Variants in SYN2 observed in about 807,000 individuals in gnomAD.
SYN2 encodes the protein synapsin-2.
A neutral mutation model predicts 50.9 loss-of-function variants in SYN2; 19 were observed. That is an observed-to-expected ratio of 0.37 (90% CI 0.26 to 0.55). The LOEUF is 0.55. Among genes scored for constraint, SYN2 ranks in the 20% least tolerant of loss-of-function variants. The pLI, the probability that SYN2 is intolerant of heterozygous loss-of-function variation, is 0.81. For synonymous variants in SYN2, 255 were observed against 224.9 expected (o/e 1.13, Z -1.20); for missense variants, 587 against 576.4 (o/e 1.02, Z -0.19).
At position 12,190,387 on chromosome 3, in the gene SYN2, G is replaced by A. The variant is rs1400147184; in HGVS notation, c.1614-103G>A. 3 of 1,367,454 alleles carry A rather than the reference G, an allele frequency of 2.2e-6. No individual in the cohort carries two copies. In the African/African-American group the frequency reaches 4.3e-5, roughly 20 times the overall value. The allele number at this position is 1,367,454 out of a possible 1,614,324, so 84.7% of individuals were successfully genotyped here. A position where few individuals can be genotyped will look rare whatever the true frequency, so the allele number is the denominator to read the frequency against. ...TATCCTCCATCACCTTGGTTTCCCA[G>A]GGAGGGAGTGGGGGTTCTAGCTGTG... On this transcript the variant is annotated intron_variant, in intron 12 of 12. Transcript: ENST00000621198.
chr3:12,162,419 G>C (rs776132631), intron 7 of SYN2, among the ~76,000 whole-genome samples: 1 of 152,174 alleles, frequency 6.6e-6, no homozygotes, highest in Non-Finnish European at 1.5e-5. Context: ...GTACATAGGA[G>C]TTTGTCACTA....
In SYN2 at chr3:12,154,653, G is replaced by T. The variant is rs369952676; in HGVS notation, c.774+3327G>T. 9.2e-5 allele frequency among the ~76,000 whole-genome samples: 14 copies of T among 152,332 alleles called. No individual in the cohort carries two copies. In the East Asian group the frequency reaches 2.7e-3, roughly 29 times the overall value. ...GATAAGCAGATTATGTTTGTACGAG[G>T]CAGAGTTGTGGGATCTGGTGAAGGC... is the stretch of plus-strand genomic sequence containing the variant. On this transcript the variant is annotated intron_variant, in intron 5 of 12. Coordinates refer to ENST00000621198, the MANE Select transcript of SYN2 (RefSeq NM_133625.6).
intron 1 of SYN2, among the ~76,000 whole-genome samples, chr3:12,123,279 C>T (rs531045522): frequency 1.3e-5 from 2 of 152,238 alleles, no homozygotes; most frequent in African/African-American, 2.4e-5. Flanking sequence ...GATCTAGACA[C>T]GTCGTAGTGA....
intron 1 of SYN2, among the ~76,000 whole-genome samples, chr3:12,035,923 G>A (rs1013734161): frequency 6.6e-6 from 1 of 152,090 alleles, no homozygotes; most frequent in African/African-American, 2.4e-5. Flanking sequence ...AAACAACTAA[G>A]GACATATGTT....
intron 5 of SYN2, chr3:12,158,804 GC>G: frequency 6.2e-7 from 1 of 1,601,394 alleles, no homozygotes; most frequent in Non-Finnish European, 8.5e-7. Flanking sequence ...CGCAGCAACA[GC>G]ACCCAGCTTG....
intron 1 of SYN2, among the ~76,000 whole-genome samples, chr3:12,054,896 A>C (rs1056192422): frequency 6.6e-6 from 1 of 152,164 alleles, no homozygotes; most frequent in Non-Finnish European, 1.5e-5. Context: ...ATTCTGGGTC[A>C]AAAATAATTT....
chr3:12,078,575 G>T (rs1186224513), intron 1 of SYN2, among the ~76,000 whole-genome samples: 2 of 152,096 alleles, frequency 1.3e-5, no homozygotes, highest in Non-Finnish European at 1.5e-5. Context: ...TTTCCCCATT[G>T]CTTGTTTTTG....
At chr3:12,127,672 C>T (rs1273307018) in intron 1 of SYN2, among the ~76,000 whole-genome samples, 1 of 152,120 alleles carries the variant, frequency 6.6e-6, no homozygotes, top group Admixed American at 6.6e-5. Flanking sequence ...ATTTGGAAAT[C>T]CAAAGTATTG....
intron 1 of SYN2, among the ~76,000 whole-genome samples, chr3:12,110,718 G>C (rs1413612219): frequency 6.6e-6 from 1 of 152,192 alleles, no homozygotes; most frequent in Non-Finnish European, 1.5e-5. Context: ...AGGCCTCTGG[G>C]CCTGTGATGG....
At chr3:12,157,426 C>T (rs751481504) in intron 5 of SYN2, 6 of 1,614,172 alleles carry the variant, frequency 3.7e-6, no homozygotes, top group Non-Finnish European at 5.1e-6. Flanking sequence ...TTTTCAGTGT[C>T]AGCAGGGTCT....
chr3:12,164,688 C>A (rs1697736189), intron 7 of SYN2, among the ~76,000 whole-genome samples: 2 of 152,198 alleles, frequency 1.3e-5, no homozygotes, highest in Admixed American at 1.3e-4. Flanking sequence ...AGAATGGCCT[C>A]TCAGTGTCCC....
intron 5 of SYN2, chr3:12,156,673 T>A: frequency 1.7e-6 from 1 of 592,390 alleles, no homozygotes; most frequent in Non-Finnish European, 3.0e-6. Flanking sequence ...CCAGAGGTTG[T>A]CTGTCACTAA....
chr3:12,102,347 T>G (rs1468980425), intron 1 of SYN2, among the ~76,000 whole-genome samples: 1 of 152,102 alleles, frequency 6.6e-6, no homozygotes, highest in Non-Finnish European at 1.5e-5. Context: ...TTCAGTGTAG[T>G]TTTTGCAGGG....
At chr3:12,056,824 T>C (rs1323190395) in intron 1 of SYN2, among the ~76,000 whole-genome samples, 1 of 152,180 alleles carries the variant, frequency 6.6e-6, no homozygotes, top group Non-Finnish European at 1.5e-5. Context: ...GTCTATAGTA[T>C]CTAGCCTTCA....
At chr3:12,166,770 A>G (rs1249008354) in intron 7 of SYN2, among the ~76,000 whole-genome samples, 2 of 152,240 alleles carry the variant, frequency 1.3e-5, no homozygotes, top group Admixed American at 1.3e-4. Flanking sequence ...GATGGAATTC[A>G]GTTTGTATGT....
intron 1 of SYN2, among the ~76,000 whole-genome samples, chr3:12,019,349 A>G (rs968803794): frequency 6.6e-6 from 1 of 152,122 alleles, no homozygotes; most frequent in Non-Finnish European, 1.5e-5. Flanking sequence ...TAGCTCAACT[A>G]TGAGTTGCTA....
intron 1 of SYN2, among the ~76,000 whole-genome samples, chr3:12,022,310 A>G (rs1694158548): frequency 6.6e-6 from 1 of 152,160 alleles, no homozygotes; most frequent in African/African-American, 2.4e-5. Flanking sequence ...GCATCTTCTT[A>G]TATTGCCTAA....
chr3:12,153,722 T>C lies in SYN2; in HGVS notation c.774+2396T>C, dbSNP rs1697372609. On this transcript the variant is annotated intron_variant, in intron 5 of 12. Transcript: ENST00000621198. The stretch of plus-strand genomic sequence containing the variant: ...TGTAGCAGGTGGTGATCTAGAGTCA[T>C]GGCCACACAACATTAAAGTGAGTAG... 6.2e-6 allele frequency: 10 copies of C among 1,614,134 alleles called. No homozygotes were observed. The East Asian group carries it at 2.2e-4, about 36-fold the overall frequency.
intron 1 of SYN2, among the ~76,000 whole-genome samples, chr3:12,024,014 A>C (rs1436745804): frequency 6.6e-6 from 1 of 152,160 alleles, no homozygotes; most frequent in Non-Finnish European, 1.5e-5. Context: ...TATAAAACTG[A>C]CATACATAAA....
Sources: gnomAD v4.1 joint callset for allele counts (sites outside exome capture counted in the v4.1 genomes callset) on GRCh38, gnomAD v4.1.1 for gene constraint, MANE v1.5 for transcripts, NCBI Gene and HGNC (gene_info 2026-07-23, HGNC 2026-07-21) for gene names.